Variants in DMD observed in about 807,000 individuals in gnomAD.
The protein encoded by DMD is dystrophin.
In DMD, 63 loss-of-function variants were observed where a neutral mutation model predicts 330.1. The ratio of observed to expected loss-of-function variants is 0.19; its 90% CI spans 0.16 to 0.24. The LOEUF (loss-of-function observed/expected upper bound fraction) is 0.24. Among genes scored for constraint, DMD ranks in the 10% least tolerant of loss-of-function variants. DMD has a pLI of 1.00. For missense variants in DMD, 3,344 were observed against 2,684.1 expected, an observed-to-expected ratio of 1.25 and a Z score of -5.43; for synonymous variants, 1,223 against 959.8, an observed-to-expected ratio of 1.27 and a Z score of -5.07.
At chrX:33,010,250 A>G (rs12844678) in intron 2 of DMD, among the ~76,000 whole-genome samples, 4,334 of 102,656 alleles carry the variant, frequency 0.042, 139 homozygotes, top group East Asian at 0.18. Flanking sequence ...ATATGTGTGT[A>G]TATATGTACA....
intron 17 of DMD, among the ~76,000 whole-genome samples, chrX:32,533,661 T>G (rs2047684161): frequency 8.9e-6 from 1 of 112,234 alleles, no homozygotes; most frequent in Non-Finnish European, 1.9e-5. Context: ...TTACATACCA[T>G]AGCAATCCAT....
chrX:32,164,115 G>A (rs2096859487), intron 44 of DMD, among the ~76,000 whole-genome samples: 1 of 111,100 alleles, frequency 9.0e-6, no homozygotes, highest in African/African-American at 3.3e-5. Flanking sequence ...GACCATGTCT[G>A]TAATTTCAGC....
At chrX:32,625,229 A>G (rs1044118984) in intron 11 of DMD, among the ~76,000 whole-genome samples, 4 of 112,271 alleles carry the variant, frequency 3.6e-5, no homozygotes, top group Non-Finnish European at 7.5e-5. Context: ...TGTTGTCCAG[A>G]ACTTACTAAA....
In DMD at chrX:32,745,134, G is replaced by GA. The variant is rs1157091569; in HGVS notation, c.650-45842dup. ...GGGTGATCTCAGTTGTTTTTGGCAA[G>GA]AAAAAAGTAATTGGCAAGAAAAAAG... On this transcript the variant is annotated intron_variant, in intron 7 of 78. Coordinates refer to ENST00000357033, the MANE Select transcript of DMD (RefSeq NM_004006.3). Among the ~76,000 whole-genome samples, 4 of 110,789 alleles carry GA rather than the reference G, an allele frequency of 3.6e-5. 1 individual carries two copies. The Admixed American group carries it at 3.9e-4, about 11-fold the overall frequency.
At chrX:31,319,914 C>T (rs1329810908) in intron 62 of DMD, among the ~76,000 whole-genome samples, 1 of 112,438 alleles carries the variant, frequency 8.9e-6, no homozygotes. Flanking sequence ...CAGAATGCAG[C>T]AGCTGGTTAA....
intron 16 of DMD, among the ~76,000 whole-genome samples, chrX:32,558,484 T>A (rs1037607340): frequency 8.9e-6 from 1 of 111,843 alleles, no homozygotes; most frequent in East Asian, 2.8e-4. Flanking sequence ...TTTGTCTGTA[T>A]GGTATTTTAA....
intron 67 of DMD, among the ~76,000 whole-genome samples, chrX:31,202,117 C>T (rs1053787958): frequency 9.0e-6 from 1 of 110,819 alleles, no homozygotes; most frequent in African/African-American, 3.3e-5. Flanking sequence ...ACCAGGGAGG[C>T]GGAGGTTGCA....
chrX:31,237,719 A>ATTTTAT (rs201621008), intron 63 of DMD, among the ~76,000 whole-genome samples: 1 of 110,973 alleles, frequency 9.0e-6, no homozygotes, highest in Non-Finnish European at 1.9e-5. Flanking sequence ...TACTCTTTTT[A>ATTTTAT]TTTTATTTTT....
intron 55 of DMD, among the ~76,000 whole-genome samples, chrX:31,522,361 C>CTATATATATATATA (rs1454794019): frequency 2.5e-3 from 125 of 50,202 alleles, no homozygotes; most frequent in Non-Finnish European, 3.7e-3. Context: ...CTCTCTCTCT[C>CTATATATATATATA]TCTATATATA....
chrX:32,674,909 T>A (rs1307835401), intron 9 of DMD, among the ~76,000 whole-genome samples: 5 of 110,214 alleles, frequency 4.5e-5, no homozygotes, highest in Non-Finnish European at 9.4e-5. Context: ...CTTTGTATCT[T>A]GAGTACATTT....
chrX:32,679,347 T>C (rs749237486), intron 9 of DMD, among the ~76,000 whole-genome samples: 1 of 111,320 alleles, frequency 9.0e-6, no homozygotes, highest in African/African-American at 3.3e-5. Context: ...GTTTTTTTTT[T>C]TGTGAAAAGA....
intron 42 of DMD, among the ~76,000 whole-genome samples, chrX:32,309,200 A>G (rs1300039134): frequency 1.8e-5 from 2 of 111,709 alleles, no homozygotes; most frequent in Non-Finnish European, 3.8e-5. Context: ...ATCCATTTGT[A>G]TATTCATACA....
Position 32,688,770 on chromosome X carries a change from T to C in DMD, c.960+9100A>G, listed in dbSNP as rs183974864. ...CTTAGCTATGGAATATTCCTTAATG[T>C]TCTTCGAAAAGTTTAACACCATTAA... is the stretch of plus-strand genomic sequence containing the variant. On this transcript the variant is annotated intron_variant, in intron 9 of 78. Transcript: ENST00000357033. Among the ~76,000 whole-genome samples, 14 of 111,941 alleles carry C rather than the reference T, an allele frequency of 1.3e-4. No homozygotes were observed. The East Asian group carries it at 3.9e-3, about 31-fold the overall frequency.
chrX:32,855,255 G>A (rs2081455435), intron 2 of DMD, among the ~76,000 whole-genome samples: 1 of 111,893 alleles, frequency 8.9e-6, no homozygotes, highest in Non-Finnish European at 1.9e-5. Context: ...TTTTCTCTAA[G>A]ATCTGTAACA....
At chrX:32,487,377 A>T (rs1324437759) in intron 20 of DMD, among the ~76,000 whole-genome samples, 1 of 111,684 alleles carries the variant, frequency 9.0e-6, no homozygotes, top group African/African-American at 3.3e-5. Context: ...CTTGAGGGTT[A>T]GTTACTATTT....
intron 50 of DMD, among the ~76,000 whole-genome samples, chrX:31,791,871 A>G (rs2091588683): frequency 8.9e-6 from 1 of 111,881 alleles, no homozygotes; most frequent in African/African-American, 3.2e-5. Flanking sequence ...TGCTATCTCA[A>G]TTGTAAAATT....
intron 44 of DMD, among the ~76,000 whole-genome samples, chrX:32,005,580 C>T (rs773976900): frequency 9.0e-6 from 1 of 110,540 alleles, no homozygotes; most frequent in South Asian, 3.9e-4. Flanking sequence ...TCCCTAACCA[C>T]TGGGAATAGT....
At position 31,886,720 on chromosome X, in the gene DMD, T is replaced by C. The variant is rs770688297; in HGVS notation, c.6913-11347A>G. Among the ~76,000 whole-genome samples the C allele has an allele frequency of 2.7e-5, 3 of 111,786 alleles. No homozygotes were observed. In the East Asian group the frequency reaches 8.5e-4, roughly 32 times the overall value. ...GATAGCAAGCAAATAAAATGAAATA[T>C]CTCTGGGAGTGGGGTTGGGTGTCGA... On this transcript the variant is annotated intron_variant, in intron 47 of 78. Transcript: ENST00000357033.
chrX:31,387,914 T>G (rs771825566), intron 60 of DMD, among the ~76,000 whole-genome samples: 1 of 111,441 alleles, frequency 9.0e-6, no homozygotes, highest in Non-Finnish European at 1.9e-5. Flanking sequence ...GCGTCTTCCT[T>G]GCTTTATTTA....
Sources: allele counts gnomAD v4.1 joint callset (sites outside exome capture counted in the v4.1 genomes callset), GRCh38; gene constraint gnomAD v4.1.1; transcripts MANE v1.5; gene names NCBI Gene and HGNC (gene_info 2026-07-23, HGNC 2026-07-21).